The following FHIT variants were observed in gnomAD, a reference collection of about 807,000 sequenced individuals.
The protein encoded by FHIT is fragile histidine triad diadenosine triphosphatase, also known as bis(5'-adenosyl)-triphosphatase.
In FHIT, 19 loss-of-function variants were observed where a neutral mutation model predicts 17.9. The observed-to-expected ratio is 1.06, with a 90% CI of 0.74 to 1.56. The LOEUF is 1.56. FHIT is among the 40% of genes most tolerant of loss of function. FHIT has a pLI of 0.00. For synonymous variants in FHIT, 81 were observed against 69.7 expected, an observed-to-expected ratio of 1.16 and a Z score of -0.81; for missense variants, 248 against 189.2, an observed-to-expected ratio of 1.31 and a Z score of -1.82.
intron 5 of FHIT, among the ~76,000 whole-genome samples, chr3:60,421,615 T>C (rs912545651): frequency 2.0e-5 from 3 of 152,154 alleles, no homozygotes; most frequent in African/African-American, 7.2e-5. Flanking sequence ...TTTAATACTA[T>C]AGAAGTATTA....
At chr3:59,957,791 T>C (rs927460730) in intron 7 of FHIT, among the ~76,000 whole-genome samples, 1 of 152,240 alleles carries the variant, frequency 6.6e-6, no homozygotes, top group African/African-American at 2.4e-5. Flanking sequence ...GTTTACTTAA[T>C]TTGTACATGT....
chr3:60,505,441 GAT>G (rs1460743944), intron 5 of FHIT, among the ~76,000 whole-genome samples: 2 of 152,216 alleles, frequency 1.3e-5, no homozygotes, highest in Non-Finnish European at 1.5e-5. Flanking sequence ...TCATAGAAAA[GAT>G]ATGTTAGTTA....
At chr3:61,237,664 T>C (rs1051836363) in intron 1 of FHIT, among the ~76,000 whole-genome samples, 10 of 152,216 alleles carry the variant, frequency 6.6e-5, no homozygotes, top group Admixed American at 6.5e-5. Flanking sequence ...GTCATACGTA[T>C]TGAGTGCTGA....
At chr3:60,709,283 TA>T (rs1553704358) in intron 4 of FHIT, among the ~76,000 whole-genome samples, 1 of 152,216 alleles carries the variant, frequency 6.6e-6, no homozygotes. Flanking sequence ...ATCACATTAA[TA>T]TTTAGCCTAA....
At chr3:60,550,309 G>C (rs1365855557) in intron 4 of FHIT, among the ~76,000 whole-genome samples, 1 of 146,050 alleles carries the variant, frequency 6.8e-6, no homozygotes, top group Non-Finnish European at 1.5e-5. Context: ...AATTCCACAG[G>C]AGACAGTAGA....
intron 3 of FHIT, among the ~76,000 whole-genome samples, chr3:61,036,901 G>GTTTTTTTTTTTTTTTTTTTTTTT (rs746649804): frequency 2.8e-4 from 20 of 70,312 alleles, no homozygotes; most frequent in African/African-American, 5.7e-4. Flanking sequence ...AGTCTGCTTT[G>GTTTTTTTTTTTTTTTTTTTTTTT]TTTTTTTTTT....
chr3:60,226,493 A>AAAAACAAAAAAC (rs200934161), intron 5 of FHIT, among the ~76,000 whole-genome samples: 1 of 147,058 alleles, frequency 6.8e-6, no homozygotes, highest in African/African-American at 2.7e-5. Flanking sequence ...AAAAAAAAAA[A>AAAAACAAAAAAC]ACACTGCCTG....
chr3:60,078,814 A>G (rs920862847), intron 5 of FHIT, among the ~76,000 whole-genome samples: 5 of 152,144 alleles, frequency 3.3e-5, no homozygotes, highest in African/African-American at 1.2e-4. Flanking sequence ...TAGGTGAGAG[A>G]GAGAAAATAT....
chr3:60,124,381 T>C (rs1482754109), intron 5 of FHIT, among the ~76,000 whole-genome samples: 2 of 151,950 alleles, frequency 1.3e-5, no homozygotes, highest in Non-Finnish European at 2.9e-5. Flanking sequence ...AAAATGTCTA[T>C]CTTTCAAAAA....
At chr3:59,826,022 G>A (rs906914465) in intron 8 of FHIT, among the ~76,000 whole-genome samples, 1 of 152,216 alleles carries the variant, frequency 6.6e-6, no homozygotes, top group Non-Finnish European at 1.5e-5. Flanking sequence ...TTCTGCCACA[G>A]TTTTAAGCAT....
intron 4 of FHIT, among the ~76,000 whole-genome samples, chr3:60,550,210 G>C (rs2036499453): frequency 6.6e-6 from 1 of 152,076 alleles, no homozygotes; most frequent in South Asian, 2.1e-4. Flanking sequence ...TTGATGACTT[G>C]GAAAACAAGG....
At chr3:60,377,174 T>C (rs1239118594) in intron 5 of FHIT, among the ~76,000 whole-genome samples, 2 of 151,678 alleles carry the variant, frequency 1.3e-5, no homozygotes, top group East Asian at 3.9e-4. Context: ...AAAACAGTTC[T>C]GTTTACATGC....
intron 5 of FHIT, among the ~76,000 whole-genome samples, chr3:60,377,760 C>T (rs536944712): frequency 2.6e-5 from 4 of 151,926 alleles, no homozygotes; most frequent in Admixed American, 1.3e-4. Context: ...GGATTACAGG[C>T]GTGAGCCACC....
At chr3:60,070,896 C>T (rs1435535590) in intron 5 of FHIT, among the ~76,000 whole-genome samples, 3 of 152,210 alleles carry the variant, frequency 2.0e-5, no homozygotes, top group Admixed American at 6.5e-5. Flanking sequence ...TGAGTGCTGG[C>T]GCCTAGGCAG....
intron 8 of FHIT, among the ~76,000 whole-genome samples, chr3:59,902,734 C>T (rs530268765): frequency 5.7e-4 from 86 of 152,140 alleles, no homozygotes; most frequent in African/African-American, 2.0e-3. Context: ...AGATGTGTAA[C>T]CTAAAATATT....
At chr3:60,311,681 A>G (rs1440757079) in intron 5 of FHIT, among the ~76,000 whole-genome samples, 1 of 152,224 alleles carries the variant, frequency 6.6e-6, no homozygotes, top group Non-Finnish European at 1.5e-5. Context: ...GTTGTCTACC[A>G]TTCTGAGCTA....
chr3:60,938,556 C>T (rs536236737), intron 3 of FHIT, among the ~76,000 whole-genome samples: 1 of 152,298 alleles, frequency 6.6e-6, no homozygotes, highest in South Asian at 2.1e-4. Flanking sequence ...CTGTAAATGT[C>T]TTCCCTGCAA....
At chr3:60,504,430 CAAA>C (rs10553211) in intron 5 of FHIT, among the ~76,000 whole-genome samples, 7 of 146,120 alleles carry the variant, frequency 4.8e-5, no homozygotes, top group African/African-American at 1.2e-4. Flanking sequence ...GACCCCGTCT[CAAA>C]AAAAAAAAAA....
At chr3:60,939,379 A>G (rs1192398981) in intron 3 of FHIT, among the ~76,000 whole-genome samples, 1 of 152,128 alleles carries the variant, frequency 6.6e-6, no homozygotes, top group Non-Finnish European at 1.5e-5. Flanking sequence ...AGTAGTTGTG[A>G]CCATACTACC....
Sources: gnomAD v4.1 joint callset for allele counts (sites outside exome capture counted in the v4.1 genomes callset) on GRCh38, gnomAD v4.1.1 for gene constraint, MANE v1.5 for transcripts, NCBI Gene and HGNC (gene_info 2026-07-23, HGNC 2026-07-21) for gene names.